ABCC1: variants seen among roughly 807,000 people sequenced by gnomAD.
ABCC1 encodes ATP binding cassette subfamily C member 1 (ABCC1 blood group).
A neutral mutation model predicts 172.9 loss-of-function variants in ABCC1; 83 were observed. That is an observed-to-expected ratio of 0.48 (90% CI 0.40 to 0.58). ABCC1 has a LOEUF of 0.58. Among genes scored for constraint, ABCC1 ranks in the 20% least tolerant of loss-of-function variants. The pLI, the probability that ABCC1 is intolerant of heterozygous loss-of-function variation, is 0.00. For missense variants in ABCC1, 1,817 were observed against 2,002.7 expected, an observed-to-expected ratio of 0.91 and a Z score of 1.77; for synonymous variants, 937 against 825.2, an observed-to-expected ratio of 1.14 and a Z score of -2.32.
At chr16:16,064,245 C>G (rs1957953917) in intron 12 of ABCC1, among the ~76,000 whole-genome samples, 1 of 152,158 alleles carries the variant, frequency 6.6e-6, no homozygotes, top group African/African-American at 2.4e-5. Flanking sequence ...GCACCCTAGA[C>G]CCTCGCCTAT....
At chr16:16,122,473 C>T (rs554423456) in intron 24 of ABCC1, among the ~76,000 whole-genome samples, 3 of 149,536 alleles carry the variant, frequency 2.0e-5, no homozygotes, top group South Asian at 2.1e-4. Context: ...TGCCAGCGAC[C>T]GACTCTGCTA....
At chr16:16,065,964 G>A (rs1219706661) in intron 12 of ABCC1, among the ~76,000 whole-genome samples, 1 of 138,766 alleles carries the variant, frequency 7.2e-6, no homozygotes, top group East Asian at 2.2e-4. Flanking sequence ...GTGGTGTGAA[G>A]GTCACCCAGT....
chr16:16,091,988 A>G (rs887724696), intron 19 of ABCC1, among the ~76,000 whole-genome samples: 2 of 152,248 alleles, frequency 1.3e-5, no homozygotes, highest in Admixed American at 1.3e-4. Context: ...CTGTAATCCC[A>G]GCACTGTGGG....
intron 5 of ABCC1, among the ~76,000 whole-genome samples, chr16:16,029,738 G>A (rs1195530255): frequency 1.3e-5 from 2 of 152,192 alleles, no homozygotes; most frequent in Non-Finnish European, 2.9e-5. Flanking sequence ...CTGTTGGGCT[G>A]CATGTGATGG....
intron 19 of ABCC1, chr16:16,098,827 T>C (rs779640064): frequency 1.5e-6 from 2 of 1,349,878 alleles, no homozygotes; most frequent in Non-Finnish European, 2.0e-6. Flanking sequence ...AGGGCGGGAG[T>C]TTCGCTTTGC....
At chr16:15,971,302 G>A (rs1358547223) in intron 1 of ABCC1, among the ~76,000 whole-genome samples, 1 of 152,150 alleles carries the variant, frequency 6.6e-6, no homozygotes, top group Non-Finnish European at 1.5e-5. Context: ...CTGCACACTT[G>A]GGGAGGTGTG....
Position 16,053,774 on chromosome 16 carries a change from C to CAAAAAA in ABCC1, c.1473+993_1473+998dup, listed in dbSNP as rs10526186. On this transcript the variant is annotated intron_variant, in intron 11 of 30. Transcript: ENST00000399410. ...TGCACAACAGAGTGAGACCCTGTCT[C>CAAAAAA]AAAAAAAAAAAAAAAAAAAAAAAAA... 5.5e-4 allele frequency among the ~76,000 whole-genome samples: 20 copies of CAAAAAA among 36,218 alleles called. 2 individuals carry two copies. The highest frequency in any genetic ancestry group is 3.3e-3 in the South Asian group (3 of 920). The allele number at this position is 36,218 out of a possible 152,430, so 23.8% of individuals were successfully genotyped here.
intron 20 of ABCC1, among the ~76,000 whole-genome samples, chr16:16,103,507 G>A (rs531905641): frequency 6.6e-6 from 1 of 152,318 alleles, no homozygotes; most frequent in South Asian, 2.1e-4. Context: ...TTGAACCCAG[G>A]AGGTGGAGGT....
chr16:16,079,987 T>A (rs1183085446), intron 16 of ABCC1, among the ~76,000 whole-genome samples: 3 of 151,944 alleles, frequency 2.0e-5, no homozygotes. Flanking sequence ...ATTTTTATAT[T>A]TTTTTAGTAG....
chr16:16,132,014 GCGTCT>G, intron 27 of ABCC1, 79 bp downstream of exon 27: 1 of 1,542,244 alleles, frequency 6.5e-7, no homozygotes, highest in Middle Eastern at 1.7e-4. Context: ...CCTAGCTGCA[GCGTCT>G]CCCCAGTCAC....
chr16:16,029,921 A>T lies in ABCC1; in HGVS notation c.616-3188A>T, dbSNP rs565400275. ...TTCATTATTATCAAATATTCCAGTAATCCATTGTGTTTGTACAATGGCTCA... is the reference window on the plus strand; with the variant it reads ...TTCATTATTATCAAATATTCCAGTATTCCATTGTGTTTGTACAATGGCTCA... On this transcript the variant is annotated intron_variant, in intron 5 of 30. Coordinates refer to ENST00000399410, the MANE Select transcript of ABCC1 (RefSeq NM_004996.4). 5.1e-4 allele frequency among the ~76,000 whole-genome samples: 77 copies of T among 152,310 alleles called. 1 individual carries two copies. Among genetic ancestry groups the T allele is most frequent in the Admixed American group, 5.0e-3 (76 of 15,296 alleles).
intron 6 of ABCC1, among the ~76,000 whole-genome samples, chr16:16,033,635 CCTT>C (rs1286608522): frequency 6.6e-6 from 1 of 151,968 alleles, no homozygotes; most frequent in African/African-American, 2.4e-5. Flanking sequence ...TTTTAGTATG[CCTT>C]CTTCTGGTCG....
chr16:16,106,556 C>G, intron 20 of ABCC1, 182 bp from the exon 21 acceptor site: 1 of 631,032 alleles, frequency 1.6e-6, no homozygotes, highest in Non-Finnish European at 2.5e-6. Flanking sequence ...TACCTATAAA[C>G]CTGGAGAGTG....
chr16:16,124,400 T>TGTGTGTGTGTGTGTGG (rs1555502644), intron 24 of ABCC1, among the ~76,000 whole-genome samples: 4 of 130,396 alleles, frequency 3.1e-5, no homozygotes, highest in African/African-American at 8.6e-5. Flanking sequence ...TGTGTGTGTG[T>TGTGTGTGTGTGTGTGG]GTGTGTGTGT....
chr16:16,093,125 C>T (rs2051319330), intron 19 of ABCC1, among the ~76,000 whole-genome samples: 2 of 151,822 alleles, frequency 1.3e-5, no homozygotes, highest in Admixed American at 1.3e-4. Flanking sequence ...TGAGTCTAGC[C>T]TGTTTCTTCT....
intron 16 of ABCC1, among the ~76,000 whole-genome samples, chr16:16,082,648 CTT>C (rs1342735266): frequency 6.6e-6 from 1 of 152,120 alleles, no homozygotes; most frequent in Admixed American, 6.6e-5. Context: ...CTAGGTCAGT[CTT>C]TTAATTTTTT....
At chr16:16,121,263 A>G (rs1192306377) in intron 23 of ABCC1, among the ~76,000 whole-genome samples, 1 of 152,288 alleles carries the variant, frequency 6.6e-6, no homozygotes, top group East Asian at 1.9e-4. Context: ...GGCTGGTCTC[A>G]GACTCCTGGC....
In ABCC1 at chr16:16,007,958, A is replaced by G. The variant is rs754206227; in HGVS notation, c.191A>G (p.Tyr64Cys). Residue 64 changes from tyrosine (Y) to cysteine (C), a missense_variant, in exon 2 of 31, where the codon TAC becomes TGC. This residue lies in a region of ABCC1 where 398 missense variants were observed against 384.2 expected (regional missense o/e 1.04). Coordinates refer to ENST00000399410, the MANE Select transcript of ABCC1 (RefSeq NM_004996.4). ...FLYLSRHDRG[Y>C]IQMTPLNKTK... ...TATCTCTCCCGACATGACCGAGGCT[A>G]CATTCAGATGACACCTCTCAACAAA... The G allele has an allele frequency of 9.9e-5, 149 of 1,499,576 alleles. No homozygotes were observed. Among genetic ancestry groups the G allele is most frequent in the Non-Finnish European group, 1.3e-4 (143 of 1,111,624 alleles). 92.9% of individuals were successfully genotyped at this position (1,499,576 alleles called of 1,614,324 possible).
intron 5 of ABCC1, among the ~76,000 whole-genome samples, chr16:16,025,448 G>A (rs71378218): frequency 6.6e-6 from 1 of 152,224 alleles, no homozygotes; most frequent in Non-Finnish European, 1.5e-5. Flanking sequence ...AGGTGCCACC[G>A]ATGCTGGTGA....
Sources: gnomAD v4.1 joint callset for allele counts (sites outside exome capture counted in the v4.1 genomes callset) on GRCh38, gnomAD v4.1.1 for gene constraint, gnomAD v4.1.1 regional missense constraint, MANE v1.5 for transcripts, NCBI Gene and HGNC (gene_info 2026-07-23, HGNC 2026-07-21) for gene names.